The following CNOT4 variants were observed in gnomAD, a reference collection of about 807,000 sequenced individuals.
The protein encoded by CNOT4 is CCR4-NOT transcription complex subunit 4.
Under a neutral mutation model 73.8 loss-of-function variants are expected in CNOT4, and 8 were observed. The observed-to-expected ratio is 0.11, with a 90% CI of 0.06 to 0.20. The LOEUF is 0.20. CNOT4 is among the 10% of genes least tolerant of loss of function. CNOT4 has a pLI of 1.00. For missense variants in CNOT4, 564 were observed against 883.4 expected, an observed-to-expected ratio of 0.64 and a Z score of 4.58; for synonymous variants, 293 against 321.1, an observed-to-expected ratio of 0.91 and a Z score of 0.94.
At chr7:135,388,907 C>A in intron 10 of CNOT4, 1 of 1,611,904 alleles carries the variant, frequency 6.2e-7, no homozygotes, top group South Asian at 1.1e-5. Flanking sequence ...GTGGAAAAGT[C>A]AGTCATGGTC....
chr7:135,504,513 G>A lies in CNOT4; in HGVS notation c.-93+5376C>T, dbSNP rs1197734166. 3.5e-5 allele frequency among the ~76,000 whole-genome samples: 3 copies of A among 85,346 alleles called. 1 individual carries two copies. Among genetic ancestry groups the A allele is most frequent in the African/African-American group, 1.1e-4 (2 of 18,424 alleles). 56.0% of individuals were successfully genotyped at this position (85,346 alleles called of 152,430 possible). ...TTATTTTTATTTTTTTTGAGACGGA[G>A]TCTCGCTCTGTCGCCCAGGCTGGAG... is the stretch of plus-strand genomic sequence containing the variant. On this transcript the variant is annotated intron_variant, in intron 1 of 11. Transcript: ENST00000541284.
At position 135,483,991 on chromosome 7, in the gene CNOT4, C is replaced by T. The variant is rs138782506; in HGVS notation, c.-93+25898G>A. On this transcript the variant is annotated intron_variant, in intron 1 of 11. Transcript: ENST00000541284. ...GGCGGATCACTTGAGATCAGGAGTCCGAAACCAGCCTGGCCAACATGGTAG... is the reference window on the plus strand; with the variant it reads ...GGCGGATCACTTGAGATCAGGAGTCTGAAACCAGCCTGGCCAACATGGTAG... 2.7e-3 allele frequency among the ~76,000 whole-genome samples: 407 copies of T among 151,828 alleles called. 3 individuals are homozygous for T. Among genetic ancestry groups the T allele is most frequent in the East Asian group, 0.022 (111 of 5,122 alleles).
chr7:135,422,488 A>C, intron 2 of CNOT4, 135 bp from the exon 3 acceptor site: 1 of 543,970 alleles, frequency 1.8e-6, no homozygotes, highest in Non-Finnish European at 3.2e-6. Context: ...TTAACTGCTT[A>C]AAAAATTTTT....
chr7:135,456,224 T>C (rs1157754638), intron 1 of CNOT4, among the ~76,000 whole-genome samples: 1 of 152,224 alleles, frequency 6.6e-6, no homozygotes, highest in Non-Finnish European at 1.5e-5. Context: ...CAGTTAATTT[T>C]CTCATATTAC....
At chr7:135,504,442 C>T (rs1203043360) in intron 1 of CNOT4, among the ~76,000 whole-genome samples, 2 of 142,350 alleles carry the variant, frequency 1.4e-5, no homozygotes, top group African/African-American at 5.3e-5. Context: ...ATTACAGGCA[C>T]GTGCCACCAC....
chr7:135,388,701 T>C (rs768901075), intron 10 of CNOT4: 57 of 1,495,664 alleles, frequency 3.8e-5, no homozygotes, highest in Non-Finnish European at 4.6e-5. Flanking sequence ...TCTGGGTGTA[T>C]ACATTAAAAG....
At chr7:135,429,613 G>A (rs1404988381) in intron 2 of CNOT4, among the ~76,000 whole-genome samples, 1 of 151,850 alleles carries the variant, frequency 6.6e-6, no homozygotes, top group African/African-American at 2.4e-5. Flanking sequence ...CTTTGGTTAG[G>A]GCAATATTCA....
intron 2 of CNOT4, 109 bp from the exon 3 acceptor site, chr7:135,422,462 C>T: frequency 3.3e-6 from 2 of 603,824 alleles, no homozygotes; most frequent in Non-Finnish European, 5.9e-6. Flanking sequence ...TTACATTCTC[C>T]CTTTATTAGA....
intron 1 of CNOT4, among the ~76,000 whole-genome samples, chr7:135,445,152 G>A (rs1041927859): frequency 3.9e-5 from 6 of 152,226 alleles, no homozygotes; most frequent in Non-Finnish European, 7.3e-5. Flanking sequence ...ATTCTGGTGA[G>A]TTAATGGGGT....
intron 2 of CNOT4, among the ~76,000 whole-genome samples, chr7:135,423,845 C>T (rs1798328798): frequency 6.6e-6 from 1 of 152,046 alleles, no homozygotes; most frequent in African/African-American, 2.4e-5. Context: ...GAGTGGAAGG[C>T]ATACAAAGCA....
At chr7:135,496,636 C>G (rs1410425316) in intron 1 of CNOT4, among the ~76,000 whole-genome samples, 1 of 145,442 alleles carries the variant, frequency 6.9e-6, no homozygotes, top group Non-Finnish European at 1.6e-5. Flanking sequence ...CTATTCCTCT[C>G]TCTCTCTCTC....
In CNOT4 at chr7:135,364,381, A is replaced by G. The variant is rs971882832; in HGVS notation, c.1628-315T>C. 2.0e-5 allele frequency among the ~76,000 whole-genome samples: 3 copies of G among 152,236 alleles called. No homozygotes were observed. Among genetic ancestry groups the G allele is most frequent in the Admixed American group, 6.5e-5 (1 of 15,292 alleles). On this transcript the variant is annotated intron_variant, in intron 10 of 11. Transcript: ENST00000541284. The surrounding 1 kb of genome is among the most constrained non-coding windows in gnomAD (Gnocchi z 4.3). ...ATGCTCCAGAGCACAATTTAGTTCC[A>G]GCTACATTATGAAGTTTCACTTAGT...
chr7:135,492,435 T>TATAC (rs1803170248), intron 1 of CNOT4, among the ~76,000 whole-genome samples: 1 of 152,094 alleles, frequency 6.6e-6, no homozygotes, highest in Admixed American at 6.5e-5. Context: ...GCGATTGAAT[T>TATAC]ATACAAGGTA....
chr7:135,444,436 T>C lies in CNOT4; in HGVS notation c.-92-6013A>G, dbSNP rs543852166. ...CCATGGAATATTAGAATATATTCAG[T>C]CATCCTCAGGAACGAGATGGCGGTT... On this transcript the variant is annotated intron_variant, in intron 1 of 11. Coordinates refer to ENST00000541284, the MANE Select transcript of CNOT4 (RefSeq NM_001190850.2). 917 of 763,792 alleles carry C rather than the reference T, an allele frequency of 1.2e-3. 15 individuals carry two copies. In the South Asian group the frequency reaches 0.012, roughly 10 times the overall value. The allele number at this position is 763,792 out of a possible 1,614,324, so 47.3% of individuals were successfully genotyped here.
chr7:135,389,966 T>C (rs1796317232), intron 10 of CNOT4, among the ~76,000 whole-genome samples: 1 of 152,188 alleles, frequency 6.6e-6, no homozygotes, highest in South Asian at 2.1e-4. Flanking sequence ...AATGAGGCTC[T>C]GTAAAGCAAA....
At chr7:135,423,107 T>C (rs544430099) in intron 2 of CNOT4, among the ~76,000 whole-genome samples, 110 of 152,296 alleles carry the variant, frequency 7.2e-4, no homozygotes, top group Middle Eastern at 6.8e-3. Flanking sequence ...GTGTCCTACA[T>C]ATAAGTATTC....
chr7:135,480,202 C>A (rs56285116), intron 1 of CNOT4, among the ~76,000 whole-genome samples: 1 of 152,122 alleles, frequency 6.6e-6, no homozygotes, highest in African/African-American at 2.4e-5. Flanking sequence ...ATAACCACCA[C>A]GGCTTTTTAT....
chr7:135,469,309 T>A (rs1585692745), intron 1 of CNOT4, among the ~76,000 whole-genome samples: 1 of 152,320 alleles, frequency 6.6e-6, no homozygotes, highest in East Asian at 1.9e-4. Flanking sequence ...GAATCAGACA[T>A]ATTTAGTATT....
At chr7:135,455,575 A>G (rs1800475257) in intron 1 of CNOT4, among the ~76,000 whole-genome samples, 1 of 143,896 alleles carries the variant, frequency 6.9e-6, no homozygotes, top group African/African-American at 2.5e-5. Context: ...CCACAGGTTT[A>G]AAAAAAAAAA....
Sources: allele counts gnomAD v4.1 joint callset (sites outside exome capture counted in the v4.1 genomes callset), GRCh38; gene constraint gnomAD v4.1.1; non-coding constraint Gnocchi (gnomAD v3.1); transcripts MANE v1.5; gene names NCBI Gene and HGNC (gene_info 2026-07-23, HGNC 2026-07-21).